Variants in SGPL1 observed in about 807,000 individuals in gnomAD.
The protein encoded by SGPL1 is SP-lyase 1.
SGPL1 carries 37 observed loss-of-function variants against 68.9 expected under a neutral mutation model. The ratio of observed to expected loss-of-function variants is 0.54; its 90% confidence interval spans 0.41 to 0.71. SGPL1 has a LOEUF of 0.71. SGPL1 is among the 30% of genes least tolerant of loss of function. The pLI, the probability that SGPL1 is intolerant of heterozygous loss-of-function variation, is 0.00. For missense variants in SGPL1, 551 were observed against 704.6 expected, an observed-to-expected ratio of 0.78 and a Z score of 2.47; for synonymous variants, 236 against 248.5, an observed-to-expected ratio of 0.95 and a Z score of 0.47.
At chr10:70,866,737 G>A (rs574974066) in intron 7 of SGPL1, 1 of 152,210 alleles carries the variant, frequency 6.6e-6, no homozygotes, top group South Asian at 2.1e-4. Context: ...GCGTAGAAAT[G>A]TAGTGACCTA....
intron 7 of SGPL1, among the ~76,000 whole-genome samples, chr10:70,863,149 G>A (rs10823630): frequency 0.34 from 52,163 of 151,662 alleles, 9,297 homozygotes; most frequent in South Asian, 0.5. Flanking sequence ...ACCATGCCTC[G>A]CTAATTTTTG....
At position 70,868,419 on chromosome 10, in the gene SGPL1, C is replaced by G; in HGVS notation, c.690C>G (p.Ile230Met). 1 of 1,613,468 alleles carries G rather than the reference C, an allele frequency of 6.2e-7. No homozygotes were observed. Among genetic ancestry groups the G allele is most frequent in the Non-Finnish European group, 8.5e-7 (1 of 1,179,556 alleles). The change falls in exon 8 of 15, where the codon ATC becomes ATG. Residue 230 changes from isoleucine to methionine, a missense_variant. Coordinates refer to ENST00000373202, the MANE Select transcript of SGPL1 (RefSeq NM_003901.4). ...AYRDLAFEKGIKTPEIVAPQS... is the reference protein window; with the variant it reads ...AYRDLAFEKGMKTPEIVAPQS... ...GGGATCTGGCCTTTGAGAAGGGGATCAAAACTCCAGAAATGTATGTATGTG... is the reference window on the plus strand; with the variant it reads ...GGGATCTGGCCTTTGAGAAGGGGATGAAAACTCCAGAAATGTATGTATGTG...
intron 2 of SGPL1, among the ~76,000 whole-genome samples, chr10:70,822,112 A>C (rs1845349246): frequency 6.6e-6 from 1 of 152,218 alleles, no homozygotes; most frequent in Non-Finnish European, 1.5e-5. Flanking sequence ...TTTAAGCAAT[A>C]AACTGAAAGA....
chr10:70,827,814 T>C (rs907077692), intron 2 of SGPL1, among the ~76,000 whole-genome samples: 11 of 152,160 alleles, frequency 7.2e-5, no homozygotes, highest in African/African-American at 2.7e-4. Flanking sequence ...CTTCTTAATG[T>C]CCCTCCCAGT....
chr10:70,850,018 G>C (rs978493700), intron 3 of SGPL1, among the ~76,000 whole-genome samples: 25 of 152,154 alleles, frequency 1.6e-4, no homozygotes, highest in Non-Finnish European at 3.5e-4. Flanking sequence ...GAATGCTGTT[G>C]TCAGAGTCAG....
Position 70,873,614 on chromosome 10 carries a change from G to T in SGPL1, c.1298+25G>T, listed in dbSNP as rs762878309. 15 of 1,555,110 alleles carry T rather than the reference G, an allele frequency of 9.6e-6. No homozygotes were observed. In the South Asian group the frequency reaches 1.7e-4, roughly 17 times the overall value. ...AGTATGTGTGGAAGACTGGGGTTCT[G>T]CCTTGTCTATTGCTTTTTTGTCCTA... On this transcript the variant is annotated intron_variant, in intron 12 of 14. Coordinates refer to ENST00000373202, the MANE Select transcript of SGPL1 (RefSeq NM_003901.4).
At chr10:70,876,705 TG>T (rs1484282120) in intron 14 of SGPL1, 44 bp downstream of exon 14, 1 of 1,571,450 alleles carries the variant, frequency 6.4e-7, no homozygotes, top group Non-Finnish European at 8.7e-7. Flanking sequence ...GAAATTTAGG[TG>T]TTGGTGGAGA....
chr10:70,841,102 C>G (rs1203172661), intron 2 of SGPL1, among the ~76,000 whole-genome samples: 2 of 152,074 alleles, frequency 1.3e-5, no homozygotes, highest in African/African-American at 4.8e-5. Flanking sequence ...GAAATCATGA[C>G]ATACTTTTGA....
rs1324386667 is a variant in SGPL1 at position 70,876,646 on chromosome 10, G to T, written c.1551G>T (p.Ala517=). Residue 517 remains alanine, a synonymous_variant, in exon 14 of 15, where the codon GCG becomes GCT. Transcript: ENST00000373202. The part of the protein sequence containing the change: ...SVTQIMKNPK[A]KTTGMGAIYG... ...CTCAAATCATGAAGAATCCTAAAGC[G>T]AAGACCACAGGAATGGTAGGGACAC... The T allele has an allele frequency of 1.2e-6, 2 of 1,612,826 alleles. No homozygotes were observed. The highest frequency in any genetic ancestry group is 2.2e-5 in the East Asian group (1 of 44,852).
intron 7 of SGPL1, among the ~76,000 whole-genome samples, 154 bp from the exon 8 acceptor site, chr10:70,868,191 C>G (rs1846227265): frequency 6.6e-6 from 1 of 152,190 alleles, no homozygotes; most frequent in African/African-American, 2.4e-5. Flanking sequence ...GCCAATAAAG[C>G]CAAATTTTCC....
chr10:70,820,669 G>A (rs1037753827), intron 2 of SGPL1, among the ~76,000 whole-genome samples: 3 of 151,980 alleles, frequency 2.0e-5, no homozygotes, highest in African/African-American at 4.8e-5. Context: ...CGGCTATTTA[G>A]GAGGCTGAGG....
rs150451933 is a variant in SGPL1, at chr10:70,842,561, G to A, written c.28-1912G>A. Reference sequence around the variant, plus strand: ...CAGGAAGCTTACAATCATGGCGGAAGGCAAAACTTGAGCAGGCACGTCACA... The same window carrying A: ...CAGGAAGCTTACAATCATGGCGGAAAGCAAAACTTGAGCAGGCACGTCACA... On this transcript the variant is annotated intron_variant, in intron 2 of 14. Transcript: ENST00000373202. Among the ~76,000 whole-genome samples the A allele has an allele frequency of 2.3e-3, 345 of 152,236 alleles. 2 individuals are homozygous for A. In the Middle Eastern group the frequency reaches 0.034, roughly 15 times the overall value.
chr10:70,853,074 G>C (rs1845912996), intron 4 of SGPL1, among the ~76,000 whole-genome samples: 1 of 152,156 alleles, frequency 6.6e-6, no homozygotes, highest in African/African-American at 2.4e-5. Context: ...CTCTATGTAT[G>C]GAAGCTCAGC....
At chr10:70,866,357 A>T (rs1216714175) in intron 7 of SGPL1, 4 of 152,116 alleles carry the variant, frequency 2.6e-5, no homozygotes, top group Non-Finnish European at 1.5e-5. Context: ...ATGGCACTCC[A>T]GTCTAGGTGA....
chr10:70,853,839 C>T (rs775222795), intron 4 of SGPL1, among the ~76,000 whole-genome samples: 5 of 152,204 alleles, frequency 3.3e-5, no homozygotes, highest in Non-Finnish European at 7.3e-5. Flanking sequence ...TAAGGAGATA[C>T]ATTAGAGTCT....
At chr10:70,854,886 C>T (rs763404635) in intron 5 of SGPL1, 31 bp downstream of exon 5, 1 of 1,544,974 alleles carries the variant, frequency 6.5e-7, no homozygotes, top group South Asian at 1.3e-5. Flanking sequence ...ATGCTCTCTA[C>T]TTCCTTAAAG....
Position 70,859,436 on chromosome 10 carries a change from AG to A in SGPL1, c.553del (p.Glu185ArgfsTer5). 1 of 1,573,916 alleles carries A rather than the reference AG, an allele frequency of 6.4e-7. No homozygotes were observed. The highest frequency in any genetic ancestry group is 8.6e-7 in the Non-Finnish European group (1 of 1,160,266). Reference sequence around the variant, plus strand: ...ATATCTTCCCAGGACTACGCAAGATAGAGGCAGAAATCGTGAGGATAGCTTG... The same window carrying A: ...ATATCTTCCCAGGACTACGCAAGATAAGGCAGAAATCGTGAGGATAGCTTG... ...PDIFPGLRKIEAEIVRIACSL... is the reference protein window; with the variant it reads ...PDIFPGLRKIXAEIVRIACSL... On this transcript the variant is annotated frameshift_variant, in exon 7 of 15. Transcript: ENST00000373202. LOFTEE classifies it high-confidence loss of function.
At chr10:70,821,410 C>G (rs1799113947) in intron 2 of SGPL1, among the ~76,000 whole-genome samples, 1 of 152,220 alleles carries the variant, frequency 6.6e-6, no homozygotes, top group African/African-American at 2.4e-5. Flanking sequence ...CTTTTCTCAT[C>G]AGAAAATGAT....
At chr10:70,848,437 C>T (rs1343647408) in intron 3 of SGPL1, among the ~76,000 whole-genome samples, 4 of 143,896 alleles carry the variant, frequency 2.8e-5, no homozygotes, top group African/African-American at 5.2e-5. Flanking sequence ...ATCAAACTAA[C>T]GTGATTACCT....
Sources: gnomAD v4.1 joint callset for allele counts (sites outside exome capture counted in the v4.1 genomes callset) on GRCh38, gnomAD v4.1.1 for gene constraint, MANE v1.5 for transcripts, NCBI Gene and HGNC (gene_info 2026-07-23, HGNC 2026-07-21) for gene names.